The following DNAH1 variants were observed in gnomAD, a reference collection of about 807,000 sequenced individuals.
DNAH1 encodes the protein axonemal beta dynein heavy chain 1.
In DNAH1, 327 loss-of-function variants were observed where a neutral mutation model predicts 484.3. That is an observed-to-expected ratio of 0.68 (90% CI 0.62 to 0.74). DNAH1 has a LOEUF of 0.74. Among genes scored for constraint, DNAH1 ranks in the 30% least tolerant of loss-of-function variants. The probability of loss-of-function intolerance (pLI) is 0.00; values close to 1 mark genes in which losing one functional copy is unlikely to be tolerated. For synonymous variants in DNAH1, 2,192 were observed against 2,191.9 expected (o/e 1.00, Z 0.00); for missense variants, 5,052 against 5,546.8 (o/e 0.91, Z 2.83).
chr3:52,346,446 T>C (rs200829652), intron 10 of DNAH1, 26 bp from the exon 11 acceptor site: 840 of 1,589,616 alleles, frequency 5.3e-4, no homozygotes, highest in Non-Finnish European at 6.8e-4. Flanking sequence ...AGGGTGGCCA[T>C]ATGATGATGC....
At chr3:52,312,094 G>A (rs1390577834), upstream of DNAH1, among the ~76,000 whole-genome samples, 1 of 152,230 alleles carries the variant, frequency 6.6e-6, no homozygotes, top group East Asian at 1.9e-4. Flanking sequence ...AGGAGGGATA[G>A]CAGGGAAGGC....
chr3:52,375,902 C>T, intron 45 of DNAH1, 53 bp from the exon 46 acceptor site: 1 of 1,601,550 alleles, frequency 6.2e-7, no homozygotes, highest in Non-Finnish European at 8.5e-7. Flanking sequence ...CCAGGGTGAG[C>T]AGCAAGAGGT....
At chr3:52,367,049 C>T (rs1420360363) in intron 36 of DNAH1, among the ~76,000 whole-genome samples, 162 bp downstream of exon 36, 1 of 152,224 alleles carries the variant, frequency 6.6e-6, no homozygotes, top group Non-Finnish European at 1.5e-5. Flanking sequence ...GAGTGACCCT[C>T]CTCACCCCCC....
At chr3:52,394,418 G>A in intron 66 of DNAH1, 47 bp from the exon 67 acceptor site, 1 of 1,595,354 alleles carries the variant, frequency 6.3e-7, no homozygotes, top group Non-Finnish European at 8.6e-7. Context: ...CAGAGCAGGA[G>A]GAGCTGGCCA....
chr3:52,328,125 C>G, intron 6 of DNAH1, 111 bp downstream of exon 6: 2 of 1,374,066 alleles, frequency 1.5e-6, no homozygotes, highest in Non-Finnish European at 2.0e-6. Context: ...AGGGGTCTTT[C>G]AAGACCTCTC....
Position 52,347,928 on chromosome 3 carries a change from T to G in DNAH1, c.2060T>G (p.Phe687Cys), listed in dbSNP as rs1465379754. 6.2e-7 allele frequency: 1 copy of G among 1,610,810 alleles called. No homozygotes were observed. Among genetic ancestry groups the G allele is most frequent in the African/African-American group, 1.3e-5 (1 of 74,868 alleles). The change falls in exon 12 of 78, where the codon TTC (phenylalanine) becomes TGC (cysteine). Residue 687 changes from phenylalanine to cysteine, a missense_variant. Phe to Cys is a radical substitution (Grantham distance 205). Coordinates refer to ENST00000420323, the MANE Select transcript of DNAH1 (RefSeq NM_015512.5). ...EQFEASLLNL[F>C]DKGILATHAV... The stretch of plus-strand genomic sequence containing the variant: ...TTTGAGGCATCTCTGCTGAACCTCT[T>G]CGACAAGGGCATCCTGGCCACCCAT...
At chr3:52,329,031 C>A (rs1375734332) in intron 6 of DNAH1, among the ~76,000 whole-genome samples, 2 of 152,256 alleles carry the variant, frequency 1.3e-5, no homozygotes, top group African/African-American at 4.8e-5. Flanking sequence ...GAATCAATTT[C>A]TCTGAACTAG....
At chr3:52,331,084 A>G (rs1578082441) in intron 6 of DNAH1, 64 bp from the exon 7 acceptor site, 1 of 1,520,420 alleles carries the variant, frequency 6.6e-7, no homozygotes, top group South Asian at 1.3e-5. Flanking sequence ...TGCTGCCAGC[A>G]CTCAGAGGCC....
At chr3:52,374,598 C>T in intron 44 of DNAH1, 3 of 1,500,326 alleles carry the variant, frequency 2.0e-6, no homozygotes, top group African/African-American at 1.4e-5. Flanking sequence ...AGAGCGAGCT[C>T]TCTATTACTG....
In DNAH1 at chr3:52,354,929, C is replaced by T. The variant is rs757703120; in HGVS notation, c.3567C>T (p.Ser1189=). The change falls in exon 21 of 78, where the codon AGC becomes AGT. Residue 1189 remains serine, a synonymous_variant. Coordinates refer to ENST00000420323, the MANE Select transcript of DNAH1 (RefSeq NM_015512.5). ...CGACAGACACCTACATCCTGAAGAG[C>T]CCGGACGAGGCCTCACAGCTGCTGG... is the stretch of plus-strand genomic sequence containing the variant. ...YKATDTYILK[S]PDEASQLLDD... 1.2e-6 allele frequency: 2 copies of T among 1,614,004 alleles called. No homozygotes were observed. Among genetic ancestry groups the T allele is most frequent in the Middle Eastern group, 1.6e-4 (1 of 6,062 alleles).
chr3:52,352,480 G>T, intron 17 of DNAH1, 72 bp from the exon 18 acceptor site: 1 of 1,552,518 alleles, frequency 6.4e-7, no homozygotes. Flanking sequence ...CTGGTTCCCT[G>T]GGTTTGCATG....
In DNAH1 at chr3:52,353,241, A is replaced by G. The variant is rs760961460; in HGVS notation, c.3166A>G (p.Asn1056Asp). 1 of 1,614,022 alleles carries G rather than the reference A, an allele frequency of 6.2e-7. No individual in the cohort carries two copies. The highest frequency in any genetic ancestry group is 1.1e-5 in the South Asian group (1 of 91,088). ...CATCGATGCTGAGCAGCTGGAGAAG[A>G]ACGTGGTTGAAGCCTTCAAGACCAT... ...SAIDAEQLEKNVVEAFKTMHK... is the reference protein window; with the variant it reads ...SAIDAEQLEKDVVEAFKTMHK... Residue 1056 changes from asparagine (N) to aspartate (D), a missense_variant, in exon 19 of 78, where the codon AAC becomes GAC. Asn to Asp is a conservative substitution (Grantham distance 23). Transcript: ENST00000420323. This position sits in a 1 kb window ranked among gnomAD's most constrained non-coding sequence, Gnocchi z 5.0.
At chr3:52,349,482 GACCCTC>G in intron 14 of DNAH1, 62 bp downstream of exon 14, 10 of 1,480,448 alleles carry the variant, frequency 6.8e-6, no homozygotes, top group Non-Finnish European at 9.4e-6. Context: ...AGCACACACG[GACCCTC>G]ACATACATGG....
chr3:52,340,610 T>G (rs1156941573), intron 8 of DNAH1, among the ~76,000 whole-genome samples: 1 of 151,826 alleles, frequency 6.6e-6, no homozygotes, highest in East Asian at 1.9e-4. Flanking sequence ...AATTTTTGTA[T>G]TTTTAGTAGA....
rs1014626709 is a variant in DNAH1 at position 52,388,291 on chromosome 3, T to C, written c.9128T>C (p.Met3043Thr). Residue 3043 changes from methionine (M) to threonine (T), a missense_variant, in exon 57 of 78, where the codon ATG (methionine) becomes ACG (threonine). Transcript: ENST00000420323. ...TCCATCTGCCAGTGGGTGCGCGCCA[T>C]GCACAAGTACCACTTTGTGGCCAAG... ...CTSICQWVRA[M>T]HKYHFVAKAV... 7.5e-6 allele frequency: 12 copies of C among 1,602,392 alleles called. No individual in the cohort carries two copies. Among genetic ancestry groups the C allele is most frequent in the Non-Finnish European group, 9.4e-6 (11 of 1,174,664 alleles).
intron 37 of DNAH1, 73 bp from the exon 38 acceptor site, chr3:52,369,752 G>T: frequency 2.7e-6 from 4 of 1,499,550 alleles, no homozygotes; most frequent in Middle Eastern, 2.1e-4. Context: ...GCCCCTCCCC[G>T]CAGCCCTGCA....
At chr3:52,318,127 C>T (rs546884539) in intron 1 of DNAH1, among the ~76,000 whole-genome samples, 1 of 152,360 alleles carries the variant, frequency 6.6e-6, no homozygotes, top group Non-Finnish European at 1.5e-5. Flanking sequence ...TCTCGGCTCA[C>T]TGCAACCTCC....
chr3:52,385,939 G>C (rs1704084608), intron 54 of DNAH1, among the ~76,000 whole-genome samples: 1 of 152,214 alleles, frequency 6.6e-6, no homozygotes, highest in Non-Finnish European at 1.5e-5. Context: ...CCTGCCTGTG[G>C]GGCACTTACA....
At chr3:52,350,240 A>T (rs1702318892) in intron 15 of DNAH1, 132 bp downstream of exon 15, 6 of 1,294,930 alleles carry the variant, frequency 4.6e-6, no homozygotes, top group Admixed American at 4.3e-5. Context: ...CAGAGGACAG[A>T]TGGGGTTTAG....
Sources: allele counts gnomAD v4.1 joint callset (sites outside exome capture counted in the v4.1 genomes callset), GRCh38; gene constraint gnomAD v4.1.1; non-coding constraint Gnocchi (gnomAD v3.1); transcripts MANE v1.5; gene names NCBI Gene and HGNC (gene_info 2026-07-23, HGNC 2026-07-21).